EPC1: variants seen among roughly 807,000 people sequenced by gnomAD.
EPC1 encodes enhancer of polycomb homolog 1.
EPC1 carries 12 observed loss-of-function variants against 98.4 expected under a neutral mutation model. The ratio of observed to expected loss-of-function variants is 0.12; its 90% CI spans 0.08 to 0.20. EPC1 has a LOEUF of 0.20. Among genes scored for constraint, EPC1 ranks in the 10% least tolerant of loss-of-function variants. EPC1 has a pLI of 1.00. For synonymous variants in EPC1, 357 were observed against 363.9 expected (o/e 0.98, Z 0.21); for missense variants, 729 against 990.5 (o/e 0.74, Z 3.54).
At chr10:32,341,712 T>C (rs1838368364) in intron 1 of EPC1, among the ~76,000 whole-genome samples, 1 of 152,264 alleles carries the variant, frequency 6.6e-6, no homozygotes, top group Non-Finnish European at 1.5e-5. Flanking sequence ...AGGTCCCTTC[T>C]GTATTCAAGA....
upstream of EPC1, among the ~76,000 whole-genome samples, chr10:32,350,034 A>C (rs1014087827): frequency 1.3e-5 from 2 of 152,204 alleles, no homozygotes; most frequent in Non-Finnish European, 2.9e-5. Flanking sequence ...TTAATCCTGT[A>C]CTTTCACTTT....
intron 4 of EPC1, 71 bp from the exon 5 acceptor site, chr10:32,292,715 A>C: frequency 4.2e-6 from 6 of 1,411,964 alleles, no homozygotes; most frequent in Non-Finnish European, 5.7e-6. Context: ...TTGACCCATA[A>C]AATTTATATA....
chr10:32,326,051 A>T (rs914569279), intron 1 of EPC1, among the ~76,000 whole-genome samples: 6 of 152,320 alleles, frequency 3.9e-5, no homozygotes, highest in African/African-American at 1.4e-4. Context: ...TGATGAATTT[A>T]TACCTCTTAT....
At chr10:32,308,669 C>T (rs1465148539) in intron 1 of EPC1, among the ~76,000 whole-genome samples, 9 of 152,190 alleles carry the variant, frequency 5.9e-5, no homozygotes, top group Non-Finnish European at 1.2e-4. Flanking sequence ...GGAATCCTCA[C>T]ACACTGTTGG....
chr10:32,284,986 G>A lies in EPC1; in HGVS notation c.1456C>T (p.Leu486Phe). ...ACTGGAGAATGTTGTGGTGAGGAAAGCATTTCCAAATCCAGATGGTGAAAC... is the reference window on the plus strand; with the variant it reads ...ACTGGAGAATGTTGTGGTGAGGAAAACATTTCCAAATCCAGATGGTGAAAC... ...SVFHHLDLEM[L>F]SSPQHSPVNQ... Residue 486 changes from leucine to phenylalanine, a missense_variant, in exon 10 of 14, where the codon CTT becomes TTT. Leu to Phe is a conservative substitution (Grantham distance 22, BLOSUM62 0). Around this residue, in one of 6 missense-constraint regions of EPC1, gnomAD observed 390 missense variants for 438.6 expected, o/e 0.89. Coordinates refer to ENST00000319778, the MANE Select transcript of EPC1 (RefSeq NM_001272004.3). 6.2e-7 allele frequency: 1 copy of A among 1,614,190 alleles called. No individual in the cohort carries two copies. Among genetic ancestry groups the A allele is most frequent in the African/African-American group, 1.3e-5 (1 of 75,062 alleles).
At position 32,301,791 on chromosome 10, in the gene EPC1, CA is replaced by C. The variant is rs537421680; in HGVS notation, c.313+3980del. ...TCAAAAATTAACTTAAAATGGACCA[CA>C]GACTTAAATGTAAAATGGCAAAACT... On this transcript the variant is annotated intron_variant, in intron 2 of 13. Transcript: ENST00000319778. Among the ~76,000 whole-genome samples, 389 of 152,204 alleles carry C rather than the reference CA, an allele frequency of 2.6e-3. 2 individuals are homozygous for C. Among genetic ancestry groups the C allele is most frequent in the African/African-American group, 8.9e-3 (369 of 41,542 alleles).
intron 13 of EPC1, among the ~76,000 whole-genome samples, chr10:32,269,769 A>C (rs1835751489): frequency 1.3e-5 from 2 of 152,246 alleles, no homozygotes; most frequent in Admixed American, 1.3e-4. Context: ...TTAGACCCAG[A>C]ATACTATTAA....
chr10:32,278,175 G>A (rs1836198646), intron 10 of EPC1, among the ~76,000 whole-genome samples: 1 of 151,704 alleles, frequency 6.6e-6, no homozygotes, highest in Admixed American at 6.6e-5. Flanking sequence ...CAAGTAGCTG[G>A]GATTACAGGC....
chr10:32,366,020 C>G (rs1839594116), intron 1 of EPC1, among the ~76,000 whole-genome samples: 1 of 151,596 alleles, frequency 6.6e-6, no homozygotes, highest in African/African-American at 2.4e-5. Flanking sequence ...GTAATCCCAG[C>G]TACTTGGGAG....
chr10:32,309,933 G>A (rs1836108509), intron 1 of EPC1, among the ~76,000 whole-genome samples: 1 of 151,634 alleles, frequency 6.6e-6, no homozygotes, highest in South Asian at 2.1e-4. Flanking sequence ...GGTGGCTGAT[G>A]CCTGTAATCC....
intron 2 of EPC1, among the ~76,000 whole-genome samples, chr10:32,305,327 T>G (rs1033262434): frequency 6.6e-6 from 1 of 152,250 alleles, no homozygotes; most frequent in Non-Finnish European, 1.5e-5. Flanking sequence ...TAGCTGATTT[T>G]GCACTGCAAC....
intron 1 of EPC1, among the ~76,000 whole-genome samples, chr10:32,330,959 A>G (rs989780195): frequency 6.6e-6 from 1 of 152,214 alleles, no homozygotes; most frequent in Non-Finnish European, 1.5e-5. Context: ...ATCACAGTGT[A>G]AAAGTTCGAA....
At chr10:32,269,666 T>G (rs1170939994) in intron 13 of EPC1, among the ~76,000 whole-genome samples, 1 of 152,202 alleles carries the variant, frequency 6.6e-6, no homozygotes, top group Non-Finnish European at 1.5e-5. Context: ...ATATGAAAAT[T>G]CTATACATGG....
chr10:32,274,721 A>G (rs1835995680), intron 10 of EPC1, among the ~76,000 whole-genome samples: 1 of 152,190 alleles, frequency 6.6e-6, no homozygotes, highest in Admixed American at 6.5e-5. Context: ...CAATCTGTAG[A>G]AAAGATTTTT....
At chr10:32,359,709 T>G (rs1428378054) in intron 1 of EPC1, among the ~76,000 whole-genome samples, 1 of 152,210 alleles carries the variant, frequency 6.6e-6, no homozygotes, top group Non-Finnish European at 1.5e-5. Context: ...AACATAATAT[T>G]GTGTTGTAAA....
intron 1 of EPC1, among the ~76,000 whole-genome samples, chr10:32,341,045 CGCTCA>C (rs989096971): frequency 4.1e-4 from 63 of 152,262 alleles, no homozygotes; most frequent in African/African-American, 1.3e-3. Context: ...CCCTTAGACA[CGCTCA>C]ATTCTTTTTA....
chr10:32,311,223 G>C (rs550314664), intron 1 of EPC1, among the ~76,000 whole-genome samples: 2 of 151,914 alleles, frequency 1.3e-5, no homozygotes, highest in Non-Finnish European at 2.9e-5. Context: ...TGAGGCAGGA[G>C]AATGGCATGA....
chr10:32,355,620 T>A, intron 1 of EPC1, among the ~76,000 whole-genome samples: 1 of 84,868 alleles, frequency 1.2e-5, no homozygotes. Context: ...TTTTTTTTTT[T>A]TTTTTTTTTT....
intron 1 of EPC1, among the ~76,000 whole-genome samples, chr10:32,360,710 A>G (rs1839419401): frequency 1.3e-5 from 2 of 152,182 alleles, no homozygotes; most frequent in Admixed American, 6.5e-5. Context: ...CTTGGCTAAC[A>G]TGGTGAAACC....
Sources: allele counts gnomAD v4.1 joint callset (sites outside exome capture counted in the v4.1 genomes callset), GRCh38; gene constraint gnomAD v4.1.1; regional missense constraint gnomAD v4.1.1; transcripts MANE v1.5; gene names NCBI Gene and HGNC (gene_info 2026-07-23, HGNC 2026-07-21).